LRPPRC: variants seen among roughly 807,000 people sequenced by gnomAD.
LRPPRC encodes the protein leucine-rich PPR motif-containing protein, mitochondrial.
Under a neutral mutation model 180.3 loss-of-function variants are expected in LRPPRC, and 120 were observed. The observed-to-expected ratio is 0.67, with a 90% confidence interval of 0.57 to 0.77. LRPPRC has a LOEUF of 0.77. Ranked by LOEUF, LRPPRC falls within the 30% of genes least tolerant of loss-of-function variation. The pLI is 0.00. For synonymous variants in LRPPRC, 723 were observed against 600.0 expected, an observed-to-expected ratio of 1.21 and a Z score of -3.00; for missense variants, 2,012 against 1,657.2, an observed-to-expected ratio of 1.21 and a Z score of -3.72.
In LRPPRC at chr2:43,925,053, G is replaced by A; in HGVS notation, c.2896+14C>T. 1 of 1,379,634 alleles carries A rather than the reference G, an allele frequency of 7.2e-7. No individual in the cohort carries two copies. Among genetic ancestry groups the A allele is most frequent in the South Asian group, 1.2e-5 (1 of 86,424 alleles). 85.5% of individuals were successfully genotyped at this position (1,379,634 alleles called of 1,614,324 possible). On this transcript the variant is annotated intron_variant, in intron 27 of 37. Transcript: ENST00000260665. ...AGAATAAATGAAAGCGTGAAGAATA[G>A]TTAAATCACTTACTATACAGTTTTA... is the stretch of plus-strand genomic sequence containing the variant.
intron 29 of LRPPRC, among the ~76,000 whole-genome samples, chr2:43,916,717 G>T (rs1671480985): frequency 6.6e-6 from 1 of 152,046 alleles, no homozygotes; most frequent in South Asian, 2.1e-4. Flanking sequence ...ACTTCGTGAG[G>T]CCGAGGTGGG....
Position 43,987,574 on chromosome 2 carries a change from C to T in LRPPRC, c.150-5140G>A, listed in dbSNP as rs115399047. Among the ~76,000 whole-genome samples the T allele has an allele frequency of 3.2e-3, 478 of 151,606 alleles. 8 individuals are homozygous for T. Among genetic ancestry groups the T allele is most frequent in the African/African-American group, 0.011 (455 of 41,278 alleles). ...CCATTCCACTAATACCCTGTTCCCA[C>T]AAACTCAAACTCAAAATCTTAGACT... On this transcript the variant is annotated intron_variant, in intron 1 of 37. Transcript: ENST00000260665.
chr2:43,976,520 A>G (rs552191113), intron 5 of LRPPRC, among the ~76,000 whole-genome samples: 2 of 152,222 alleles, frequency 1.3e-5, no homozygotes, highest in African/African-American at 4.8e-5. Flanking sequence ...GCATAGTTTC[A>G]TAAGATTCTT....
At chr2:43,936,761 T>C (rs568072149) in intron 23 of LRPPRC, among the ~76,000 whole-genome samples, 2 of 152,326 alleles carry the variant, frequency 1.3e-5, no homozygotes, top group Admixed American at 6.5e-5. Flanking sequence ...ACAGAGTCAT[T>C]TGAATTTTTG....
chr2:43,903,918 T>C (rs1670974523), intron 31 of LRPPRC: 1 of 152,214 alleles, frequency 6.6e-6, no homozygotes, highest in Non-Finnish European at 1.5e-5. Flanking sequence ...TATCATTTTA[T>C]TACATAAAAT....
intron 23 of LRPPRC, among the ~76,000 whole-genome samples, chr2:43,940,244 A>G (rs935505293): frequency 6.6e-6 from 1 of 152,196 alleles, no homozygotes; most frequent in Non-Finnish European, 1.5e-5. Context: ...CTTTCAGCAC[A>G]TAAGGAGTTT....
At position 43,979,884 on chromosome 2, in the gene LRPPRC, T is replaced by C. The variant is rs961757331; in HGVS notation, c.411A>G (p.Leu137=). 2 of 1,613,128 alleles carry C rather than the reference T, an allele frequency of 1.2e-6. No homozygotes were observed. Among genetic ancestry groups the C allele is most frequent in the Admixed American group, 1.7e-5 (1 of 60,018 alleles). The change falls in exon 3 of 38, where the codon CTA becomes CTG. Residue 137 remains leucine, a synonymous_variant. Coordinates refer to ENST00000260665, the MANE Select transcript of LRPPRC (RefSeq NM_133259.4). The stretch of plus-strand genomic sequence containing the variant: ...CAAATTCTGTTCTCTCTTCAAGCTT[T>C]AGTTCAGGCAAGAGAGAACCACAAC... ...LRSCGSLLPE[L]KLEERTEFAH... is the part of the protein sequence containing the mutation.
At chr2:43,978,662 T>C (rs1674165963) in intron 3 of LRPPRC, among the ~76,000 whole-genome samples, 1 of 152,086 alleles carries the variant, frequency 6.6e-6, no homozygotes, top group Non-Finnish European at 1.5e-5. Context: ...CATTTATCTA[T>C]ATAGTTTTTA....
chr2:43,991,168 T>G (rs1241721844), intron 1 of LRPPRC, among the ~76,000 whole-genome samples: 2 of 152,048 alleles, frequency 1.3e-5, no homozygotes, highest in South Asian at 2.1e-4. Context: ...TAGCTGGGAC[T>G]ACAGGCGCCC....
At chr2:43,941,796 C>A (rs545455985) in intron 23 of LRPPRC, among the ~76,000 whole-genome samples, 8 of 127,232 alleles carry the variant, frequency 6.3e-5, no homozygotes, top group Middle Eastern at 5.2e-3. Context: ...ATAGATGAAA[C>A]TGAAAGACCT....
intron 13 of LRPPRC, among the ~76,000 whole-genome samples, chr2:43,958,516 G>A (rs1323538772): frequency 6.6e-6 from 1 of 152,146 alleles, no homozygotes. Context: ...CTTGAACAAG[G>A]AGCCTAAGTT....
chr2:43,911,146 C>CTAGA (rs1671240295), intron 30 of LRPPRC, among the ~76,000 whole-genome samples: 2 of 93,304 alleles, frequency 2.1e-5, no homozygotes, highest in Non-Finnish European at 3.8e-5. Context: ...ATCGAGTGTT[C>CTAGA]TAGATATATA....
At chr2:43,974,076 A>AATGTTCC (rs1197100418) in intron 9 of LRPPRC, 74 bp downstream of exon 9, 5 of 1,431,856 alleles carry the variant, frequency 3.5e-6, no homozygotes, top group Non-Finnish European at 4.9e-6. Context: ...TAATCTTATA[A>AATGTTCC]ATGTTCCTAT....
intron 29 of LRPPRC, among the ~76,000 whole-genome samples, chr2:43,915,232 T>TCTCTCTCTCTCTCTCTCACACA (rs1174216406): frequency 2.3e-4 from 12 of 51,884 alleles, no homozygotes; most frequent in Non-Finnish European, 3.1e-4. Context: ...TCTCTCTCTC[T>TCTCTCTCTCTCTCTCTCACACA]CACACACACA....
chr2:43,923,700 T>A (rs1385671485), intron 27 of LRPPRC, among the ~76,000 whole-genome samples: 3 of 151,420 alleles, frequency 2.0e-5, no homozygotes, highest in Non-Finnish European at 4.4e-5. Flanking sequence ...AAGGGCTTCA[T>A]AGTTTTTTTT....
intron 14 of LRPPRC, among the ~76,000 whole-genome samples, chr2:43,952,675 T>A (rs918633303): frequency 7.9e-5 from 12 of 152,208 alleles, no homozygotes; most frequent in Admixed American, 7.9e-4. Context: ...GTGCATTATA[T>A]TTTTTATCTT....
In LRPPRC at chr2:43,979,894, AAG is replaced by A. The variant is rs749639855; in HGVS notation, c.399_400del (p.Leu134AlafsTer2). The A allele has an allele frequency of 1.2e-6, 2 of 1,613,746 alleles. No individual in the cohort carries two copies. The highest frequency in any genetic ancestry group is 2.7e-5 in the African/African-American group (2 of 74,930). ...TCTCTCTTCAAGCTTTAGTTCAGGCAAGAGAGAACCACAACTACGTAGTAGAA... is the reference window on the plus strand; with the variant it reads ...TCTCTCTTCAAGCTTTAGTTCAGGCAAGAGAACCACAACTACGTAGTAGAA... On this transcript the variant is annotated frameshift_variant, in exon 3 of 38. Transcript: ENST00000260665. LOFTEE classifies it high-confidence loss of function.
intron 29 of LRPPRC, among the ~76,000 whole-genome samples, chr2:43,916,116 G>A (rs986207060): frequency 7.9e-5 from 12 of 152,102 alleles, no homozygotes; most frequent in African/African-American, 2.7e-4. Flanking sequence ...TTTCTAAATT[G>A]ATTCCTTTCC....
intron 21 of LRPPRC, 59 bp from the exon 22 acceptor site, chr2:43,945,476 G>T: frequency 1.1e-6 from 1 of 949,908 alleles, no homozygotes; most frequent in Non-Finnish European, 1.7e-6. Context: ...TAAAAGAACA[G>T]CAACATCCAT....
Sources: allele counts gnomAD v4.1 joint callset (sites outside exome capture counted in the v4.1 genomes callset), GRCh38; gene constraint gnomAD v4.1.1; transcripts MANE v1.5; gene names NCBI Gene and HGNC (gene_info 2026-07-23, HGNC 2026-07-21).